The following CCDC102B variants were observed in gnomAD, a reference collection of about 807,000 sequenced individuals.
CCDC102B encodes the protein coiled-coil domain-containing protein 102B.
A neutral mutation model predicts 57.4 loss-of-function variants in CCDC102B; 75 were observed. The ratio of observed to expected loss-of-function variants is 1.31; its 90% CI spans 1.08 to 1.58. The LOEUF is 1.58. CCDC102B is among the 40% of genes most tolerant of loss of function. The pLI is 0.00. For missense variants in CCDC102B, 636 were observed against 582.6 expected, an observed-to-expected ratio of 1.09 and a Z score of -0.94; for synonymous variants, 206 against 201.9, an observed-to-expected ratio of 1.02 and a Z score of -0.17.
At chr18:69,033,377 A>G (rs769451251) in intron 7 of CCDC102B, among the ~76,000 whole-genome samples, 4 of 152,150 alleles carry the variant, frequency 2.6e-5, no homozygotes, top group Non-Finnish European at 5.9e-5. Flanking sequence ...AACAATCACT[A>G]CAATCTAATT....
intron 2 of CCDC102B, among the ~76,000 whole-genome samples, chr18:68,760,628 G>A (rs2034222777): frequency 6.6e-6 from 1 of 152,032 alleles, no homozygotes; most frequent in African/African-American, 2.4e-5. Flanking sequence ...CCATTGCCCA[G>A]TGTCACATTG....
At chr18:68,955,887 T>C (rs553590997) in intron 6 of CCDC102B, among the ~76,000 whole-genome samples, 1 of 152,072 alleles carries the variant, frequency 6.6e-6, no homozygotes, top group Non-Finnish European at 1.5e-5. Flanking sequence ...ATCAGCTCAA[T>C]TATTTATCCT....
intron 2 of CCDC102B, among the ~76,000 whole-genome samples, chr18:68,742,214 A>G (rs1475037641): frequency 6.6e-6 from 1 of 152,120 alleles, no homozygotes; most frequent in Admixed American, 6.6e-5. Flanking sequence ...GATGGCTGGC[A>G]GTTCTTAGAT....
At chr18:68,857,315 TA>T (rs1568293143) in intron 4 of CCDC102B, among the ~76,000 whole-genome samples, 3 of 5,226 alleles carry the variant, frequency 5.7e-4, no homozygotes, top group African/African-American at 1.2e-3. Flanking sequence ...TATATATTTA[TA>T]TATTATATAT....
intron 4 of CCDC102B, among the ~76,000 whole-genome samples, chr18:68,858,300 C>CT (rs1042256864): frequency 6.6e-6 from 1 of 152,086 alleles, no homozygotes; most frequent in African/African-American, 2.4e-5. Flanking sequence ...ATCAAATTGT[C>CT]TTTTTTTCTC....
At chr18:68,732,972 A>G (rs1410251324) in intron 2 of CCDC102B, among the ~76,000 whole-genome samples, 1 of 151,610 alleles carries the variant, frequency 6.6e-6, no homozygotes, top group Admixed American at 6.5e-5. Flanking sequence ...CATCCAATGT[A>G]TAAGGAGAAC....
chr18:68,842,686 A>T (rs902738194), intron 3 of CCDC102B, among the ~76,000 whole-genome samples: 1 of 151,866 alleles, frequency 6.6e-6, no homozygotes, highest in Non-Finnish European at 1.5e-5. Context: ...TAGTGACACC[A>T]CTCACTGTCC....
intron 5 of CCDC102B, among the ~76,000 whole-genome samples, chr18:68,888,986 C>T (rs1390804820): frequency 6.7e-6 from 1 of 150,338 alleles, no homozygotes; most frequent in Non-Finnish European, 1.5e-5. Context: ...TCAATTTACA[C>T]TTTTGAGCTA....
At chr18:68,826,679 A>T (rs996005087) in intron 1 of CCDC102B, among the ~76,000 whole-genome samples, 1 of 152,184 alleles carries the variant, frequency 6.6e-6, no homozygotes, top group African/African-American at 2.4e-5. Context: ...CACACTGGGA[A>T]AATCAATTTG....
At chr18:68,795,248 A>G (rs553700052), upstream of CCDC102B, among the ~76,000 whole-genome samples, 20 of 152,158 alleles carry the variant, frequency 1.3e-4, no homozygotes, top group South Asian at 4.1e-4. Flanking sequence ...TTCGGAAGAA[A>G]TATAAGAGCT....
chr18:68,915,570 G>A (rs953295968), intron 6 of CCDC102B, among the ~76,000 whole-genome samples: 1 of 152,150 alleles, frequency 6.6e-6, no homozygotes, highest in Non-Finnish European at 1.5e-5. Context: ...TTGAAATCCA[G>A]ATTTGTCCTT....
At chr18:68,753,886 T>C (rs975715162) in intron 2 of CCDC102B, 1 of 152,160 alleles carries the variant, frequency 6.6e-6, no homozygotes, top group Non-Finnish European at 1.5e-5. Flanking sequence ...ATGTGATTTA[T>C]ATTAATATAT....
chr18:68,765,289 AAAGAAAGGAAGG>A (rs1465890491), intron 2 of CCDC102B, among the ~76,000 whole-genome samples: 89 of 87,474 alleles, frequency 1.0e-3, no homozygotes, highest in African/African-American at 3.8e-3. Context: ...GAAAGAAAAG[AAAGAAAGGAAGG>A]AAGGAAGGAA....
intron 2 of CCDC102B, among the ~76,000 whole-genome samples, chr18:68,741,129 G>A (rs1359181205): frequency 6.6e-6 from 1 of 152,204 alleles, no homozygotes; most frequent in East Asian, 1.9e-4. Context: ...ATATGGCTCT[G>A]TGACTCACAG....
chr18:68,748,594 T>G (rs995173423), intron 2 of CCDC102B, among the ~76,000 whole-genome samples: 1 of 152,160 alleles, frequency 6.6e-6, no homozygotes, highest in Non-Finnish European at 1.5e-5. Flanking sequence ...TGATAGCACA[T>G]TACCCAAATG....
At chr18:68,756,299 C>T (rs761881858) in intron 2 of CCDC102B, among the ~76,000 whole-genome samples, 5 of 151,814 alleles carry the variant, frequency 3.3e-5, no homozygotes, top group Non-Finnish European at 5.9e-5. Flanking sequence ...AGAAATATAA[C>T]AAAAACCCTT....
In CCDC102B at chr18:68,874,662, T is replaced by G. The variant is rs1328910686; in HGVS notation, c.937-7T>G. 1 of 1,574,394 alleles carries G rather than the reference T, an allele frequency of 6.4e-7. No homozygotes were observed. Among genetic ancestry groups the G allele is most frequent in the African/African-American group, 1.3e-5 (1 of 74,182 alleles). On this transcript the variant is annotated splice_region_variant and splice_polypyrimidine_tract_variant and intron_variant, in intron 4 of 7. Transcript: ENST00000360242. ...CCTGTGATTGTAATTTCAACTTTCT[T>G]TTTCAGTTTGACATTCTTCTTGGTC...
intron 6 of CCDC102B, 56 bp downstream of exon 6, chr18:68,897,484 G>A: frequency 1.9e-6 from 3 of 1,560,272 alleles, no homozygotes; most frequent in Admixed American, 3.3e-5. Flanking sequence ...TGATGCCTAC[G>A]CAGAGTCTGT....
At chr18:69,055,824 G>T (rs781772563), downstream of CCDC102B, among the ~76,000 whole-genome samples, 1 of 152,048 alleles carries the variant, frequency 6.6e-6, no homozygotes, top group Non-Finnish European at 1.5e-5. Flanking sequence ...GGAAAATGGG[G>T]CTCTTTTCTG....
Sources: gnomAD v4.1 joint callset for allele counts (sites outside exome capture counted in the v4.1 genomes callset) on GRCh38, gnomAD v4.1.1 for gene constraint, MANE v1.5 for transcripts, NCBI Gene and HGNC (gene_info 2026-07-23, HGNC 2026-07-21) for gene names.